The following MAP2 variants were observed in gnomAD, a reference collection of about 807,000 sequenced individuals.
The protein encoded by MAP2 is microtubule-associated protein 2.
A neutral mutation model predicts 137.6 loss-of-function variants in MAP2; 14 were observed. The ratio of observed to expected loss-of-function variants is 0.10; its 90% CI spans 0.07 to 0.16. The LOEUF (loss-of-function observed/expected upper bound fraction) is 0.16. Among genes scored for constraint, MAP2 ranks in the 10% least tolerant of loss-of-function variants. The probability of loss-of-function intolerance (pLI) is 1.00; values close to 1 mark genes in which losing one functional copy is unlikely to be tolerated. For synonymous variants in MAP2, 786 were observed against 782.3 expected (o/e 1.00, Z -0.08); for missense variants, 2,088 against 2,191.5 (o/e 0.95, Z 0.94).
rs780833599 is a variant in MAP2, at chr2:209,695,374, A to G, written c.3204A>G (p.Thr1068=). ...SGLNIDDRRA[T]ELKLEATQDM... Reference sequence around the variant, plus strand: ...TAAACATAGATGATAGAAGGGCAACAGAGCTAAAACTTGAGGCTACACAGG... The same window carrying G: ...TAAACATAGATGATAGAAGGGCAACGGAGCTAAAACTTGAGGCTACACAGG... Residue 1068 remains threonine, a synonymous_variant, in exon 8 of 16, where the codon ACA becomes ACG. Coordinates refer to ENST00000682079, the MANE Select transcript of MAP2 (RefSeq NM_001375505.1). 24 of 1,613,618 alleles carry G rather than the reference A, an allele frequency of 1.5e-5. No homozygotes were observed. In the East Asian group the frequency reaches 4.2e-4, roughly 28 times the overall value.
chr2:209,630,667 A>G (rs1041807763), intron 4 of MAP2, among the ~76,000 whole-genome samples: 6 of 152,102 alleles, frequency 3.9e-5, no homozygotes, highest in Admixed American at 3.9e-4. Flanking sequence ...TGTTGTATAA[A>G]GAGCCAAAGA....
At chr2:209,567,173 A>AT (rs1465754286) in intron 2 of MAP2, among the ~76,000 whole-genome samples, 1 of 152,080 alleles carries the variant, frequency 6.6e-6, no homozygotes, top group Non-Finnish European at 1.5e-5. Context: ...GACTTCTTCC[A>AT]TTTTTTTAGG....
chr2:209,532,221 G>C (rs1247224156), intron 2 of MAP2, among the ~76,000 whole-genome samples: 1 of 142,010 alleles, frequency 7.0e-6, no homozygotes, highest in Non-Finnish European at 1.5e-5. Flanking sequence ...CTAGGTGACA[G>C]AGGGAGAGCC....
At chr2:209,612,273 TAGA>T (rs1333952484) in intron 3 of MAP2, among the ~76,000 whole-genome samples, 2 of 152,198 alleles carry the variant, frequency 1.3e-5, no homozygotes, top group African/African-American at 4.8e-5. Context: ...AGTGAAAAGA[TAGA>T]AGTTTTCTAG....
At chr2:209,468,977 A>G (rs1303556182) in intron 1 of MAP2, among the ~76,000 whole-genome samples, 1 of 152,198 alleles carries the variant, frequency 6.6e-6, no homozygotes, top group African/African-American at 2.4e-5. Context: ...CCAAGATGAT[A>G]CTATCAGGAC....
At chr2:209,444,920 TAA>T (rs1698699308) in intron 1 of MAP2, among the ~76,000 whole-genome samples, 1 of 151,506 alleles carries the variant, frequency 6.6e-6, no homozygotes, top group African/African-American at 2.4e-5. Flanking sequence ...TAAAAAAGCT[TAA>T]GTCAAGCTTT....
chr2:209,680,717 T>A (rs768198750), intron 6 of MAP2, 33 bp from the exon 7 acceptor site: 1 of 1,568,166 alleles, frequency 6.4e-7, no homozygotes, highest in Non-Finnish European at 8.8e-7. Context: ...GGATTAATTA[T>A]TGCATCTCAT....
intron 2 of MAP2, among the ~76,000 whole-genome samples, chr2:209,536,665 C>T (rs1015467632): frequency 1.3e-5 from 2 of 152,082 alleles, no homozygotes; most frequent in Non-Finnish European, 2.9e-5. Context: ...CATGGTGGAT[C>T]CCCAACTATG....
chr2:209,457,726 G>A (rs1452166936), intron 1 of MAP2, among the ~76,000 whole-genome samples: 2 of 152,136 alleles, frequency 1.3e-5, no homozygotes, highest in African/African-American at 4.8e-5. Flanking sequence ...TCTGAAAATG[G>A]GAGGATACAT....
At chr2:209,559,719 A>G (rs1295057832) in intron 2 of MAP2, among the ~76,000 whole-genome samples, 2 of 151,864 alleles carry the variant, frequency 1.3e-5, no homozygotes, top group African/African-American at 2.4e-5. Flanking sequence ...GTGTCCTTTC[A>G]TCAAGTCTCA....
In MAP2 at chr2:209,730,248, A is replaced by G; in HGVS notation, c.5335A>G (p.Ile1779Val). ...CCGTGTGGACCATGGGGCTGAGATC[A>G]TTACACAGTCCCCAGGCAGATCCAG... ...KARVDHGAEI[I>V]TQSPGRSSVA... is the part of the protein sequence containing the mutation. The change falls in exon 16 of 16, where the codon ATT (isoleucine) becomes GTT (valine). Residue 1779 changes from isoleucine to valine, a missense_variant. Transcript: ENST00000682079. 3 of 1,614,096 alleles carry G rather than the reference A, an allele frequency of 1.9e-6. No homozygotes were observed. The highest frequency in any genetic ancestry group is 2.5e-6 in the Non-Finnish European group (3 of 1,179,992).
rs1184054201 is a variant in MAP2 at position 209,593,858 on chromosome 2, AT to A, written c.-107+13759del. Among the ~76,000 whole-genome samples the A allele has an allele frequency of 6.1e-4, 69 of 112,992 alleles. No homozygotes were observed. The South Asian group carries it at 9.7e-3, about 16-fold the overall frequency. The allele number at this position is 112,992 out of a possible 152,430, so 74.1% of individuals were successfully genotyped here. ...ATTATATTATAATATATATTATAAA[AT>A]ATATATTTATATTATAAAAATATAT... On this transcript the variant is annotated intron_variant, in intron 3 of 15. Coordinates refer to ENST00000682079, the MANE Select transcript of MAP2 (RefSeq NM_001375505.1).
chr2:209,563,063 A>G (rs75874932), intron 2 of MAP2, among the ~76,000 whole-genome samples: 3,001 of 152,248 alleles, frequency 0.02, 95 homozygotes, highest in African/African-American at 0.068. Flanking sequence ...TAGAGGACTG[A>G]GATGCCAGAC....
intron 1 of MAP2, among the ~76,000 whole-genome samples, chr2:209,482,141 A>G (rs1048522901): frequency 6.6e-6 from 1 of 152,198 alleles, no homozygotes; most frequent in Non-Finnish European, 1.5e-5. Flanking sequence ...TTCTTACTTA[A>G]AAAGTATTAT....
At chr2:209,657,241 G>T (rs1033348422) in intron 5 of MAP2, among the ~76,000 whole-genome samples, 2 of 152,164 alleles carry the variant, frequency 1.3e-5, no homozygotes, top group East Asian at 3.9e-4. Flanking sequence ...ATAAATATAT[G>T]AGTGCAGGTG....
chr2:209,537,127 G>A lies in MAP2; in HGVS notation c.-172+29486G>A, dbSNP rs542507480. Among the ~76,000 whole-genome samples the A allele has an allele frequency of 2.0e-5, 3 of 152,238 alleles. No individual in the cohort carries two copies. The South Asian group carries it at 6.2e-4, about 32-fold the overall frequency. On this transcript the variant is annotated intron_variant, in intron 2 of 15. Transcript: ENST00000682079. ...TCTGTGGCACACTTATATTAAGCAA[G>A]TCTGTCAGCACCATTTTTTCAACAG... is the stretch of plus-strand genomic sequence containing the variant.
At chr2:209,574,296 C>A (rs1006406890) in intron 2 of MAP2, among the ~76,000 whole-genome samples, 8 of 152,116 alleles carry the variant, frequency 5.3e-5, no homozygotes, top group African/African-American at 1.9e-4. Context: ...TTATTTATAT[C>A]TCACAAATAA....
intron 15 of MAP2, 58 bp from the exon 16 acceptor site, chr2:209,730,124 G>C (rs1380356146): frequency 2.3e-5 from 32 of 1,398,814 alleles, no homozygotes; most frequent in Non-Finnish European, 3.2e-5. Context: ...GATGGAGAAA[G>C]AGGTAGGGGC....
At chr2:209,592,773 T>G (rs1326499636) in intron 3 of MAP2, among the ~76,000 whole-genome samples, 1 of 152,160 alleles carries the variant, frequency 6.6e-6, no homozygotes, top group Non-Finnish European at 1.5e-5. Flanking sequence ...TTTAACCTAT[T>G]TGGCAATCAG....
Sources: allele counts gnomAD v4.1 joint callset (sites outside exome capture counted in the v4.1 genomes callset), GRCh38; gene constraint gnomAD v4.1.1; transcripts MANE v1.5; gene names NCBI Gene and HGNC (gene_info 2026-07-23, HGNC 2026-07-21).